NUP98: variants seen among roughly 807,000 people sequenced by gnomAD.
NUP98 encodes nucleoporin 98 and 96 precursor.
In NUP98, 26 loss-of-function variants were observed where a neutral mutation model predicts 191.9. The ratio of observed to expected loss-of-function variants is 0.14; its 90% CI spans 0.10 to 0.19. NUP98 has a LOEUF of 0.19. Among genes scored for constraint, NUP98 ranks in the 10% least tolerant of loss-of-function variants. NUP98 has a pLI of 1.00. For missense variants in NUP98, 1,941 were observed against 2,178.8 expected, an observed-to-expected ratio of 0.89 and a Z score of 2.17; for synonymous variants, 808 against 778.4, an observed-to-expected ratio of 1.04 and a Z score of -0.63.
At chr11:3,773,331 A>G (rs1442321144) in intron 6 of NUP98, among the ~76,000 whole-genome samples, 1 of 151,860 alleles carries the variant, frequency 6.6e-6, no homozygotes, top group Non-Finnish European at 1.5e-5. Flanking sequence ...GGAAGCTGAG[A>G]CTGCAGTGAG....
chr11:3,796,786 C>A (rs1221180719), intron 1 of NUP98, among the ~76,000 whole-genome samples: 7 of 152,284 alleles, frequency 4.6e-5, no homozygotes, highest in African/African-American at 1.4e-4. Context: ...GGGGGATTGA[C>A]TTAAACAATT....
chr11:3,774,766 G>C (rs1382988829), intron 5 of NUP98, among the ~76,000 whole-genome samples: 4 of 151,988 alleles, frequency 2.6e-5, no homozygotes, highest in Non-Finnish European at 5.9e-5. Flanking sequence ...AAGGAAAAAG[G>C]CACAATAAGT....
At chr11:3,686,230 C>T in intron 28 of NUP98, 36 bp from the exon 29 acceptor site, 1 of 1,588,432 alleles carries the variant, frequency 6.3e-7, no homozygotes, top group South Asian at 1.1e-5. Context: ...CATACACAGC[C>T]AGGAGACGGC....
Position 3,702,351 on chromosome 11 carries a change from TCTCTCTCTCTCTCTCTC to T in NUP98, c.3512+95_3512+111del, listed in dbSNP as rs1564821677. The T allele has an allele frequency of 9.0e-6, 6 of 666,910 alleles. No individual in the cohort carries two copies. In the South Asian group the frequency reaches 1.1e-4, roughly 12 times the overall value. The allele number at this position is 666,910 out of a possible 1,614,324, so 41.3% of individuals were successfully genotyped here. On this transcript the variant is annotated intron_variant, in intron 23 of 32. Transcript: ENST00000324932. ...CTCTCTCTCTCTCTCTCTCTCTCTC[TCTCTCTCTCTCTCTCTC>T]TAGAAAGATGACAAAGCAGGGCCCT... is the stretch of plus-strand genomic sequence containing the variant.
At chr11:3,757,144 T>TAC (rs1456706007) in intron 10 of NUP98, among the ~76,000 whole-genome samples, 1 of 148,930 alleles carries the variant, frequency 6.7e-6, no homozygotes. Flanking sequence ...TATGTGTATA[T>TAC]ATATATATTT....
intron 11 of NUP98, among the ~76,000 whole-genome samples, chr11:3,746,679 G>A (rs547810788): frequency 5.6e-4 from 85 of 151,898 alleles, no homozygotes; most frequent in South Asian, 3.1e-3. Flanking sequence ...GTGGGAAGCC[G>A]AGGAGGGCAG....
At position 3,699,123 on chromosome 11, in the gene NUP98, C is replaced by A; in HGVS notation, c.3968G>T (p.Gly1323Val). The change falls in exon 25 of 33, where the codon GGC becomes GTC. Residue 1323 changes from glycine to valine, a missense_variant. Coordinates refer to ENST00000324932, the MANE Select transcript of NUP98 (RefSeq NM_016320.5). ...PVEAVFSYLT[G>V]KRISEACSLA... The stretch of plus-strand genomic sequence containing the variant: ...AGAGCAGGCCTCACTGATCCTTTTG[C>A]CTGTGAGGTAGCTGAATACAGCCTC... The A allele has an allele frequency of 1.2e-6, 2 of 1,613,398 alleles. No homozygotes were observed. The highest frequency in any genetic ancestry group is 1.7e-6 in the Non-Finnish European group (2 of 1,180,034).
intron 5 of NUP98, among the ~76,000 whole-genome samples, chr11:3,774,242 T>TA (rs1343227016): frequency 7.4e-6 from 1 of 135,060 alleles, no homozygotes; most frequent in Non-Finnish European, 1.6e-5. Flanking sequence ...TACTAAAAAA[T>TA]AAAAAAATAA....
At chr11:3,748,813 T>C (rs1271843850) in intron 11 of NUP98, among the ~76,000 whole-genome samples, 1 of 152,170 alleles carries the variant, frequency 6.6e-6, no homozygotes, top group African/African-American at 2.4e-5. Context: ...ATATTCTGAA[T>C]ATGTTTAGGG....
intron 28 of NUP98, among the ~76,000 whole-genome samples, chr11:3,689,119 G>C (rs185754037): frequency 1.8e-3 from 280 of 152,138 alleles, no homozygotes; most frequent in African/African-American, 6.3e-3. Flanking sequence ...GCAGCGCTCA[G>C]CTACTCAGGA....
At chr11:3,712,873 C>CA in intron 19 of NUP98, 145 bp from the exon 20 acceptor site, 7 of 749,100 alleles carry the variant, frequency 9.3e-6, no homozygotes, top group Non-Finnish European at 1.3e-5. Context: ...TATCACCTAT[C>CA]ACACTTTTAT....
intron 20 of NUP98, among the ~76,000 whole-genome samples, chr11:3,710,620 C>G (rs1042081743): frequency 1.3e-5 from 2 of 152,166 alleles, no homozygotes; most frequent in African/African-American, 4.8e-5. Flanking sequence ...CATCTTGACA[C>G]AGAGATGAGA....
At position 3,761,229 on chromosome 11, in the gene NUP98, T is replaced by C. The variant is rs574419263; in HGVS notation, c.1087-603A>G. ...GAGTATGTTCTAAAATTAAATATGG[T>C]GATAGTTGCACACTTTGTTGATATA... On this transcript the variant is annotated intron_variant, in intron 9 of 32. Transcript: ENST00000324932. Among the ~76,000 whole-genome samples, 76 of 152,320 alleles carry C rather than the reference T, an allele frequency of 5.0e-4. 1 individual carries two copies. In the Middle Eastern group the frequency reaches 0.01, roughly 20 times the overall value.
intron 8 of NUP98, 111 bp from the exon 9 acceptor site, chr11:3,763,150 A>G: frequency 1.0e-6 from 1 of 952,570 alleles, no homozygotes; most frequent in Non-Finnish European, 1.6e-6. Flanking sequence ...GACAGATATT[A>G]GGCTAAATAA....
At chr11:3,768,073 T>G (rs2081398395) in intron 8 of NUP98, among the ~76,000 whole-genome samples, 1 of 152,122 alleles carries the variant, frequency 6.6e-6, no homozygotes, top group South Asian at 2.1e-4. Flanking sequence ...CTCAATAGCA[T>G]CTCAACAAGT....
In NUP98 at chr11:3,712,551, C is replaced by T; in HGVS notation, c.2742+13G>A. ...ACGGATTCCATTCAAATTCACTGTC[C>T]TTTTTTCTCTACCTGAGGTGGAGGT... On this transcript the variant is annotated intron_variant, in intron 20 of 32. Coordinates refer to ENST00000324932, the MANE Select transcript of NUP98 (RefSeq NM_016320.5). 1 of 1,612,316 alleles carries T rather than the reference C, an allele frequency of 6.2e-7. No individual in the cohort carries two copies. The highest frequency in any genetic ancestry group is 8.5e-7 in the Non-Finnish European group (1 of 1,179,344).
At chr11:3,761,643 C>T (rs1197516040) in intron 9 of NUP98, among the ~76,000 whole-genome samples, 1 of 152,186 alleles carries the variant, frequency 6.6e-6, no homozygotes, top group African/African-American at 2.4e-5. Flanking sequence ...CCTGTAATCC[C>T]AGCTACTCGG....
chr11:3,761,741 C>G (rs577837597), intron 9 of NUP98, among the ~76,000 whole-genome samples: 1 of 151,920 alleles, frequency 6.6e-6, no homozygotes, highest in African/African-American at 2.4e-5. Context: ...GCCTGGGCAA[C>G]AGGCGAGACT....
intron 30 of NUP98, among the ~76,000 whole-genome samples, chr11:3,681,684 C>T (rs2077989999): frequency 6.6e-6 from 1 of 152,086 alleles, no homozygotes; most frequent in Non-Finnish European, 1.5e-5. Flanking sequence ...AACAGATATG[C>T]TGTCATCCAG....
Sources: allele counts gnomAD v4.1 joint callset (sites outside exome capture counted in the v4.1 genomes callset), GRCh38; gene constraint gnomAD v4.1.1; transcripts MANE v1.5; gene names NCBI Gene and HGNC (gene_info 2026-07-23, HGNC 2026-07-21).